Variants in ZNF81 observed in about 807,000 individuals in gnomAD.
ZNF81 encodes zinc finger protein 81 (HFZ20).
In ZNF81, 5 loss-of-function variants were observed where a neutral mutation model predicts 32.3. The ratio of observed to expected loss-of-function variants is 0.15; its 90% CI spans 0.08 to 0.33. ZNF81 has a LOEUF of 0.33. Among genes scored for constraint, ZNF81 ranks in the 10% least tolerant of loss-of-function variants. ZNF81 has a pLI of 1.00. For synonymous variants in ZNF81, 163 were observed against 166.8 expected (o/e 0.98, Z 0.17); for missense variants, 379 against 479.8 (o/e 0.79, Z 1.96).
chrX:47,910,776 A>G (rs1556889823), intron 4 of ZNF81, among the ~76,000 whole-genome samples: 2 of 112,031 alleles, frequency 1.8e-5, no homozygotes, highest in South Asian at 3.7e-4. Flanking sequence ...TTCATCCTCA[A>G]TATGGGAGGA....
chrX:47,839,112 C>T lies in ZNF81; in HGVS notation c.-164+2125C>T, dbSNP rs782275176. Among the ~76,000 whole-genome samples, 3 of 111,972 alleles carry T rather than the reference C, an allele frequency of 2.7e-5. No individual in the cohort carries two copies. In the South Asian group the frequency reaches 1.1e-3, roughly 41 times the overall value. ...GTCTGGTTTTAGTATTAGGGTAATA[C>T]TGGCCTCATTGAATGAGTTGGGGAC... is the stretch of plus-strand genomic sequence containing the variant. On this transcript the variant is annotated intron_variant, in intron 1 of 4. Coordinates refer to ENST00000338637, the MANE Select transcript of ZNF81 (RefSeq NM_007137.5).
At chrX:47,843,183 A>G (rs1342325793) in intron 1 of ZNF81, among the ~76,000 whole-genome samples, 5 of 111,356 alleles carry the variant, frequency 4.5e-5, no homozygotes, top group Non-Finnish European at 3.8e-5. Context: ...TTACCAAATA[A>G]TACTCTATTG....
At position 47,916,651 on chromosome X, in the gene ZNF81, A is replaced by G; in HGVS notation, c.*19A>G. 1.7e-6 allele frequency: 2 copies of G among 1,192,656 alleles called. No individual in the cohort carries two copies. The highest frequency in any genetic ancestry group is 2.3e-6 in the Non-Finnish European group (2 of 887,279). On this transcript the variant is annotated 3_prime_UTR_variant, in exon 5 of 5. Coordinates refer to ENST00000338637, the MANE Select transcript of ZNF81 (RefSeq NM_007137.5). ...TACATGAAAGTAATCCTGTTTCTTGAAAATGAGAGCCTTATAAGGCTGACA... is the reference window on the plus strand; with the variant it reads ...TACATGAAAGTAATCCTGTTTCTTGGAAATGAGAGCCTTATAAGGCTGACA...
intron 2 of ZNF81, among the ~76,000 whole-genome samples, chrX:47,859,533 T>G (rs782286171): frequency 8.9e-6 from 1 of 111,954 alleles, no homozygotes; most frequent in Non-Finnish European, 1.9e-5. Context: ...TTTAATCACT[T>G]CAAATGGTCA....
chrX:47,865,524 A>C (rs1327612927), intron 2 of ZNF81, among the ~76,000 whole-genome samples: 4 of 112,177 alleles, frequency 3.6e-5, no homozygotes. Flanking sequence ...CTAGTAGCTC[A>C]ACAGGGTCAT....
intron 2 of ZNF81, among the ~76,000 whole-genome samples, chrX:47,879,006 T>A (rs1204712676): frequency 9.0e-5 from 10 of 111,456 alleles, no homozygotes; most frequent in African/African-American, 3.3e-4. Context: ...CAACAGTGAG[T>A]CCAGTTCTTC....
At chrX:47,870,156 G>T (rs1556883733) in intron 2 of ZNF81, among the ~76,000 whole-genome samples, 1 of 111,966 alleles carries the variant, frequency 8.9e-6, no homozygotes, top group Non-Finnish European at 1.9e-5. Context: ...AGATCTTTAT[G>T]ACTTTATATC....
chrX:47,868,916 A>G (rs906871056), intron 2 of ZNF81, among the ~76,000 whole-genome samples: 78 of 71,904 alleles, frequency 1.1e-3, no homozygotes, highest in African/African-American at 4.3e-3. Context: ...GGGCATTGCC[A>G]TGTTCCAAAC....
Position 47,916,064 on chromosome X carries a change from G to A in ZNF81, c.1418G>A (p.Ser473Asn). Residue 473 changes from serine (S) to asparagine (N), a missense_variant, in exon 5 of 5, where the codon AGT (serine) becomes AAT (asparagine). Transcript: ENST00000338637. ...IHTGEKPYEC[S>N]DCGKSFPSKS... The stretch of plus-strand genomic sequence containing the variant: ...ACTGGAGAGAAGCCTTATGAATGCA[G>A]TGACTGTGGGAAATCTTTCCCTTCT... 8.3e-7 allele frequency: 1 copy of A among 1,211,214 alleles called. No individual in the cohort carries two copies. Among genetic ancestry groups the A allele is most frequent in the Non-Finnish European group, 1.1e-6 (1 of 895,361 alleles).
rs782642156 is a variant in ZNF81 at position 47,917,570 on chromosome X, C to T, written c.*938C>T. On this transcript the variant is annotated 3_prime_UTR_variant, in exon 5 of 5. Coordinates refer to ENST00000338637, the MANE Select transcript of ZNF81 (RefSeq NM_007137.5). ...CTGAAGAATCTCAAATTGCCCTACT[C>T]GGGGGTGAGGAGCCACCACATGGAG... 2 of 229,947 alleles carry T rather than the reference C, an allele frequency of 8.7e-6. No individual in the cohort carries two copies. The highest frequency in any genetic ancestry group is 7.8e-6 in the Non-Finnish European group (1 of 127,533). 19.0% of individuals were successfully genotyped at this position (229,947 alleles called of 1,213,427 possible).
intron 4 of ZNF81, among the ~76,000 whole-genome samples, chrX:47,901,344 A>T (rs921176341): frequency 1.8e-5 from 2 of 111,417 alleles, no homozygotes; most frequent in Admixed American, 1.9e-4. Context: ...CCTTTCTGTC[A>T]TTTCCTTTTT....
intron 2 of ZNF81, among the ~76,000 whole-genome samples, chrX:47,862,845 G>A (rs1313321544): frequency 1.8e-5 from 2 of 111,765 alleles, no homozygotes; most frequent in Non-Finnish European, 3.8e-5. Flanking sequence ...TTCCAGTGTG[G>A]AGGTGGGTTG....
At chrX:47,897,724 A>G (rs782445609) in intron 4 of ZNF81, among the ~76,000 whole-genome samples, 7 of 112,189 alleles carry the variant, frequency 6.2e-5, no homozygotes, top group Non-Finnish European at 1.1e-4. Flanking sequence ...ACTGATATCT[A>G]ATTGTTCCAG....
At chrX:47,872,990 T>C (rs2058586111) in intron 2 of ZNF81, among the ~76,000 whole-genome samples, 1 of 111,574 alleles carries the variant, frequency 9.0e-6, no homozygotes, top group African/African-American at 3.3e-5. Flanking sequence ...ATTGCTACCC[T>C]CTGCCATCCC....
At chrX:47,891,229 A>G (rs1035743067) in intron 3 of ZNF81, among the ~76,000 whole-genome samples, 2 of 113,035 alleles carry the variant, frequency 1.8e-5, no homozygotes, top group Non-Finnish European at 1.9e-5. Context: ...ATAGCTGCAT[A>G]GGGTACCAGG....
chrX:47,888,013 T>G lies in ZNF81; in HGVS notation c.69T>G (p.Phe23Leu). The change falls in exon 3 of 5, where the codon TTT (phenylalanine) becomes TTG (leucine). Residue 23 changes from phenylalanine (F) to leucine (L), a missense_variant. Phe to Leu is a conservative substitution (Grantham distance 22). Coordinates refer to ENST00000338637, the MANE Select transcript of ZNF81 (RefSeq NM_007137.5). ...TGTTGTTACAGGTATCAGTGTCATT[T>G]GAGGATGTGACTGTGGACTTCAGTA... is the stretch of plus-strand genomic sequence containing the variant. ...HGSACEVSVS[F>L]EDVTVDFSRE... 8.3e-7 allele frequency: 1 copy of G among 1,211,409 alleles called. No individual in the cohort carries two copies. Among genetic ancestry groups the G allele is most frequent in the Non-Finnish European group, 1.1e-6 (1 of 895,431 alleles).
chrX:47,889,705 A>G (rs1175979195), intron 3 of ZNF81, among the ~76,000 whole-genome samples: 2 of 112,296 alleles, frequency 1.8e-5, no homozygotes, highest in African/African-American at 6.5e-5. Context: ...CTGTAAAGGA[A>G]GCATAGTGGC....
chrX:47,880,567 T>C (rs1421466895), intron 2 of ZNF81, among the ~76,000 whole-genome samples: 2 of 112,295 alleles, frequency 1.8e-5, no homozygotes, highest in Non-Finnish European at 3.8e-5. Flanking sequence ...CTGTAAAGAA[T>C]AAATTTCCAA....
intron 2 of ZNF81, among the ~76,000 whole-genome samples, chrX:47,868,099 A>C (rs1556883462): frequency 9.0e-6 from 1 of 111,325 alleles, no homozygotes. Flanking sequence ...TAATTGTTTT[A>C]AGTCTTGAGG....
Sources: gnomAD v4.1 joint callset for allele counts (sites outside exome capture counted in the v4.1 genomes callset) on GRCh38, gnomAD v4.1.1 for gene constraint, MANE v1.5 for transcripts, NCBI Gene and HGNC (gene_info 2026-07-23, HGNC 2026-07-21) for gene names.